CERS3: variants seen among roughly 807,000 people sequenced by gnomAD.
CERS3 encodes the protein LAG1 homolog, ceramide synthase 3.
CERS3 carries 33 observed loss-of-function variants against 50.3 expected under a neutral mutation model. The observed-to-expected ratio is 0.66, with a 90% CI of 0.50 to 0.88. CERS3 has a LOEUF of 0.88. CERS3 is among the 40% of genes least tolerant of loss of function. The probability of loss-of-function intolerance (pLI) is 0.00; values close to 1 mark genes in which losing one functional copy is unlikely to be tolerated. For missense variants in CERS3, 470 were observed against 460.3 expected (o/e 1.02, Z -0.19); for synonymous variants, 176 against 155.2 (o/e 1.13, Z -0.99).
intron 11 of CERS3, among the ~76,000 whole-genome samples, chr15:100,449,542 C>G (rs2034075588): frequency 6.6e-6 from 1 of 152,178 alleles, no homozygotes; most frequent in African/African-American, 2.4e-5. Flanking sequence ...AAGGACTAGC[C>G]CACTTGGCAT....
intron 2 of CERS3, among the ~76,000 whole-genome samples, chr15:100,517,871 A>T (rs1033718108): frequency 1.3e-5 from 2 of 152,178 alleles, no homozygotes; most frequent in South Asian, 4.1e-4. Context: ...CCCCAAATAT[A>T]GTCTCAACTG....
chr15:100,474,517 G>A (rs1198367083), intron 8 of CERS3, among the ~76,000 whole-genome samples: 1 of 151,894 alleles, frequency 6.6e-6, no homozygotes, highest in Non-Finnish European at 1.5e-5. Flanking sequence ...CGATTCTCCT[G>A]CCTCAGCCTC....
intron 11 of CERS3, among the ~76,000 whole-genome samples, chr15:100,438,957 C>T (rs1276642182): frequency 6.6e-6 from 1 of 152,186 alleles, no homozygotes. Flanking sequence ...TTCTAATTTC[C>T]TCTCAAGGCA....
chr15:100,493,370 C>A (rs958235503), intron 3 of CERS3, among the ~76,000 whole-genome samples: 3 of 152,084 alleles, frequency 2.0e-5, no homozygotes, highest in African/African-American at 7.2e-5. Flanking sequence ...GTCATTCCGC[C>A]GCCTTTGGCC....
chr15:100,513,138 C>T (rs990414926), intron 2 of CERS3, among the ~76,000 whole-genome samples: 1 of 152,174 alleles, frequency 6.6e-6, no homozygotes, highest in African/African-American at 2.4e-5. Flanking sequence ...ATGTGTTTCT[C>T]TTGGCTCTGT....
chr15:100,443,899 A>T (rs550172584), intron 11 of CERS3, among the ~76,000 whole-genome samples: 2 of 152,284 alleles, frequency 1.3e-5, no homozygotes, highest in African/African-American at 4.8e-5. Flanking sequence ...TAAACTCACA[A>T]AAGGAAACGT....
intron 11 of CERS3, among the ~76,000 whole-genome samples, chr15:100,406,577 T>C (rs1333291252): frequency 6.6e-6 from 1 of 152,264 alleles, no homozygotes; most frequent in Non-Finnish European, 1.5e-5. Flanking sequence ...CAAGCCTCCT[T>C]GTAAACACTG....
At chr15:100,466,587 G>T (rs1026088933) in intron 10 of CERS3, among the ~76,000 whole-genome samples, 1 of 152,068 alleles carries the variant, frequency 6.6e-6, no homozygotes, top group Non-Finnish European at 1.5e-5. Context: ...CTCTTGAAAT[G>T]CTCACCCTTG....
intron 3 of CERS3, among the ~76,000 whole-genome samples, chr15:100,493,312 G>T (rs1418232961): frequency 6.6e-6 from 1 of 152,120 alleles, no homozygotes; most frequent in Admixed American, 6.6e-5. Flanking sequence ...CATTTTGAAG[G>T]AGAGTTTTGT....
chr15:100,431,036 G>C (rs1265291232), intron 11 of CERS3, among the ~76,000 whole-genome samples: 1 of 152,174 alleles, frequency 6.6e-6, no homozygotes, highest in Admixed American at 6.5e-5. Context: ...GGTGGGGCCT[G>C]AGATATTGTA....
At chr15:100,407,542 T>A (rs74560748) in intron 11 of CERS3, among the ~76,000 whole-genome samples, 12,616 of 152,348 alleles carry the variant, frequency 0.083, 716 homozygotes, top group Non-Finnish European at 0.13. Context: ...TCAAGCACAA[T>A]AATTTTTTGC....
At chr15:100,503,029 A>C (rs988689275) in intron 2 of CERS3, among the ~76,000 whole-genome samples, 23 of 152,234 alleles carry the variant, frequency 1.5e-4, no homozygotes, top group African/African-American at 5.5e-4. Flanking sequence ...GCATAGAATA[A>C]TGTAAATTAG....
chr15:100,502,944 A>G (rs1186416483), intron 2 of CERS3, among the ~76,000 whole-genome samples: 1 of 152,218 alleles, frequency 6.6e-6, no homozygotes, highest in Non-Finnish European at 1.5e-5. Context: ...TAAGCCAGGA[A>G]AGGCAGGAAA....
rs555342396 is a variant in CERS3, at chr15:100,504,940, C to A, written c.-1-3090G>T. Among the ~76,000 whole-genome samples the A allele has an allele frequency of 1.2e-4, 18 of 152,292 alleles. No homozygotes were observed. In the South Asian group the frequency reaches 3.5e-3, roughly 30 times the overall value. ...ATCTCAGAACAAGAGCATACACAAG[C>A]CTTTGAGTCAAACTCCAGCAAAAGT... On this transcript the variant is annotated intron_variant, in intron 2 of 11. Coordinates refer to ENST00000679737, the MANE Select transcript of CERS3 (RefSeq NM_001378789.1).
intron 11 of CERS3, among the ~76,000 whole-genome samples, chr15:100,416,800 G>A (rs1178927337): frequency 6.6e-6 from 1 of 152,138 alleles, no homozygotes; most frequent in Non-Finnish European, 1.5e-5. Context: ...GATGAGATTT[G>A]AGTGAAGACA....
At chr15:100,543,301 CACTT>C (rs1351019473) in intron 1 of CERS3, among the ~76,000 whole-genome samples, 1 of 152,200 alleles carries the variant, frequency 6.6e-6, no homozygotes, top group Admixed American at 6.5e-5. Flanking sequence ...TGACGATGCA[CACTT>C]ACGCTGCCCA....
intron 11 of CERS3, among the ~76,000 whole-genome samples, chr15:100,439,733 A>C (rs2033594588): frequency 6.6e-6 from 1 of 152,136 alleles, no homozygotes; most frequent in Non-Finnish European, 1.5e-5. Flanking sequence ...ACGGCTTTGG[A>C]GGAATAAGCT....
rs1335617514 is a variant in CERS3, at chr15:100,483,784, A to ATTT, written c.407+765_407+766insAAA. On this transcript the variant is annotated intron_variant, in intron 5 of 11. Transcript: ENST00000679737. ...ATCAATAATAATAATAATTATTATTATTATTTTTTTTTTTGAGACAGAGTC... is the reference window on the plus strand; with the variant it reads ...ATCAATAATAATAATAATTATTATTATTTTTATTTTTTTTTTTGAGACAGAGTC... Among the ~76,000 whole-genome samples the ATTT allele has an allele frequency of 2.2e-3, 200 of 89,410 alleles. 5 individuals are homozygous for ATTT. The highest frequency in any genetic ancestry group is 6.7e-3 in the African/African-American group (144 of 21,466). 58.7% of individuals were successfully genotyped at this position (89,410 alleles called of 152,430 possible).
chr15:100,543,167 C>T (rs1199837365), intron 1 of CERS3, among the ~76,000 whole-genome samples: 1 of 152,076 alleles, frequency 6.6e-6, no homozygotes, highest in Non-Finnish European at 1.5e-5. Context: ...CTGCCTCAGC[C>T]TCCCAAAGTG....
Sources: gnomAD v4.1 joint callset for allele counts (sites outside exome capture counted in the v4.1 genomes callset) on GRCh38, gnomAD v4.1.1 for gene constraint, MANE v1.5 for transcripts, NCBI Gene and HGNC (gene_info 2026-07-23, HGNC 2026-07-21) for gene names.